FER1L5: variants seen among roughly 807,000 people sequenced by gnomAD.
FER1L5 encodes fer-1 like family member 5.
In FER1L5, 187 loss-of-function variants were observed where a neutral mutation model predicts 279.9. That is an observed-to-expected ratio of 0.67 (90% CI 0.59 to 0.75). FER1L5 has a LOEUF of 0.75. Among genes scored for constraint, FER1L5 ranks in the 30% least tolerant of loss-of-function variants. The probability of loss-of-function intolerance (pLI) is 0.00; values close to 1 mark genes in which losing one functional copy is unlikely to be tolerated. For missense variants in FER1L5, 2,091 were observed against 2,594.4 expected (o/e 0.81, Z 4.21); for synonymous variants, 921 against 989.7 (o/e 0.93, Z 1.30).
chr2:96,645,477 C>G (rs565059791), intron 1 of FER1L5, among the ~76,000 whole-genome samples: 2 of 152,272 alleles, frequency 1.3e-5, no homozygotes, highest in African/African-American at 4.8e-5. Context: ...AGCTGCAAGA[C>G]ACTGAAAACT....
At chr2:96,659,290 T>TGCCTTCCTGCCTTCC (rs2075732527) in intron 9 of FER1L5, among the ~76,000 whole-genome samples, 3 of 80,942 alleles carry the variant, frequency 3.7e-5, no homozygotes, top group Admixed American at 1.1e-4. Flanking sequence ...TTTATCAAGC[T>TGCCTTCCTGCCTTCC]TTCCTTCCTT....
Position 96,653,744 on chromosome 2 carries a change from C to T in FER1L5, c.696+42C>T, listed in dbSNP as rs1239694810. 18 of 1,461,568 alleles carry T rather than the reference C, an allele frequency of 1.2e-5. No individual in the cohort carries two copies. The East Asian group carries it at 1.2e-4, about 10-fold the overall frequency. 90.5% of individuals were successfully genotyped at this position (1,461,568 alleles called of 1,614,324 possible). A position where few individuals can be genotyped will look rare whatever the true frequency, so the allele number is the denominator to read the frequency against. On this transcript the variant is annotated intron_variant, in intron 8 of 52. Transcript: ENST00000624922. The stretch of plus-strand genomic sequence containing the variant: ...GTCCCCAGCAAGGTGGGTTTCTTGT[C>T]CCACTTCAATACTGGGAAGCACTAC...
rs1156802564 is a variant in FER1L5, at chr2:96,654,510, A to G, written c.747+14A>G. 4 of 398,874 alleles carry G rather than the reference A, an allele frequency of 1.0e-5. No individual in the cohort carries two copies. Among genetic ancestry groups the G allele is most frequent in the South Asian group, 2.5e-4 (2 of 7,854 alleles). 24.7% of individuals were successfully genotyped at this position (398,874 alleles called of 1,614,324 possible). A position where few individuals can be genotyped will look rare whatever the true frequency, so the allele number is the denominator to read the frequency against. On this transcript the variant is annotated intron_variant, in intron 9 of 52. Transcript: ENST00000624922. ...GGGAGATTTCAAGTGAGTACTGTACATGGGAGGAGGTTCAGTGAAACAGTT... is the reference window on the plus strand; with the variant it reads ...GGGAGATTTCAAGTGAGTACTGTACGTGGGAGGAGGTTCAGTGAAACAGTT...
Position 96,702,334 on chromosome 2 carries a change from A to G in FER1L5, c.5188A>G (p.Thr1730Ala), listed in dbSNP as rs2077614165. Residue 1730 changes from threonine to alanine, a missense_variant, in exon 47 of 53, where the codon ACT (threonine) becomes GCT (alanine). Physicochemically the swap from Thr to Ala is moderately conservative, Grantham distance 58. Transcript: ENST00000624922. The surrounding 1 kb of genome is among the most constrained non-coding windows in gnomAD (Gnocchi z 4.0). ...RYELRCIIWKTANVDLVDDNL... is the reference protein window; with the variant it reads ...RYELRCIIWKAANVDLVDDNL... ...TGAGCTGCGATGCATCATCTGGAAG[A>G]CTGCCAATGTGGACCTGGTGGATGA... 2 of 1,612,950 alleles carry G rather than the reference A, an allele frequency of 1.2e-6. No homozygotes were observed. The highest frequency in any genetic ancestry group is 1.7e-6 in the Non-Finnish European group (2 of 1,179,598).
In FER1L5 at chr2:96,647,079, C is replaced by T. The variant is rs577272228; in HGVS notation, c.154C>T (p.Leu52Phe). The change falls in exon 3 of 53, where the codon CTC (leucine) becomes TTC (phenylalanine). Residue 52 changes from leucine (L) to phenylalanine (F), a missense_variant. Physicochemically the swap from Leu to Phe is conservative, Grantham distance 22. Transcript: ENST00000624922. ...PVWNETLIWHLWNRPLENDSF... is the reference protein window; with the variant it reads ...PVWNETLIWHFWNRPLENDSF... ...CCCCCCACAGACCCTAATCTGGCAC[C>T]TCTGGAACCGCCCCCTGGAAAATGA... 5.2e-6 allele frequency: 8 copies of T among 1,551,644 alleles called. No individual in the cohort carries two copies. The South Asian group carries it at 9.5e-5, about 18-fold the overall frequency.
At chr2:96,687,984 A>G in intron 24 of FER1L5, 37 bp downstream of exon 24, 3 of 1,548,832 alleles carry the variant, frequency 1.9e-6, no homozygotes, top group South Asian at 1.2e-5. Context: ...CAGGGCAGGC[A>G]CGCGGGGGTG....
chr2:96,704,608 A>AAT lies in FER1L5; in HGVS notation c.6092_6093dup (p.Asp2032Ter). On this transcript the variant is annotated frameshift_variant, in exon 53 of 53. Transcript: ENST00000624922. LOFTEE classifies it low-confidence loss of function (END_TRUNC). ...CCCAGGATCCAAACCTAAAGCCTAC[A>AAT]ATAGACCATGAGTGGAAACTCCACC... 2 of 1,613,968 alleles carry AAT rather than the reference A, an allele frequency of 1.2e-6. No individual in the cohort carries two copies. The highest frequency in any genetic ancestry group is 2.2e-5 in the South Asian group (2 of 91,080).
At chr2:96,665,112 AAGTC>A (rs2076082970) in intron 14 of FER1L5, among the ~76,000 whole-genome samples, 1 of 152,146 alleles carries the variant, frequency 6.6e-6, no homozygotes, top group Admixed American at 6.5e-5. Flanking sequence ...TTTTGACTCT[AAGTC>A]AGGCTTCTAA....
rs756536534 is a variant in FER1L5, at chr2:96,695,543, C to T, written c.3776C>T (p.Ala1259Val). 7.5e-6 allele frequency: 12 copies of T among 1,593,106 alleles called. No individual in the cohort carries two copies. Among genetic ancestry groups the T allele is most frequent in the African/African-American group, 4.0e-5 (3 of 74,356 alleles). ...LAWGLRNMKKASSPQLLVEFG... is the reference protein window; with the variant it reads ...LAWGLRNMKKVSSPQLLVEFG... ...TGGGGCCTTCGGAACATGAAGAAGG[C>T]GAGCTCCCCCCAGCTCCTGGTGGAA... The change falls in exon 35 of 53, where the codon GCG becomes GTG. Residue 1259 changes from alanine (A) to valine (V), a missense_variant. Ala to Val is a moderately conservative substitution (Grantham distance 64). Transcript: ENST00000624922.
At position 96,698,043 on chromosome 2, in the gene FER1L5, G is replaced by A. The variant is rs1450693493; in HGVS notation, c.4243G>A (p.Glu1415Lys). 1 of 1,571,666 alleles carries A rather than the reference G, an allele frequency of 6.4e-7. No individual in the cohort carries two copies. The highest frequency in any genetic ancestry group is 8.6e-7 in the Non-Finnish European group (1 of 1,158,498). ...GTTCCACACACCTCTGCAGGTGTAT[G>A]AGTGTGAGCTGGAGGCCGTGCCAGC... is the stretch of plus-strand genomic sequence containing the variant. ...YKDYHTLKVY[E>K]CELEAVPAFQ... is the part of the protein sequence containing the mutation. Residue 1415 changes from glutamate (E) to lysine (K), a missense_variant, in exon 40 of 53, where the codon GAG becomes AAG. Physicochemically the swap from Glu to Lys is moderately conservative, Grantham distance 56 (BLOSUM62 1). Transcript: ENST00000624922. The surrounding 1 kb of genome is among the most constrained non-coding windows in gnomAD (Gnocchi z 5.5).
intron 18 of FER1L5, among the ~76,000 whole-genome samples, chr2:96,671,557 T>C (rs1199628821): frequency 6.6e-6 from 1 of 152,204 alleles, no homozygotes; most frequent in Admixed American, 6.5e-5. Context: ...ATCTCTGACA[T>C]GTGATGTAAG....
chr2:96,693,635 C>G lies in FER1L5; in HGVS notation c.3422C>G (p.Thr1141Ser), dbSNP rs1450103457. Residue 1141 changes from threonine (T) to serine (S), a missense_variant, in exon 32 of 53, where the codon ACC (threonine) becomes AGC (serine). Coordinates refer to ENST00000624922, the MANE Select transcript of FER1L5 (RefSeq NM_001293083.2). ...HLLLYENPQD[T>S]KESPPLVVLE... ...CTTCTGTACGAGAACCCACAGGACA[C>G]CAAAGAGAGCCCACCGCTTGTGGTG... is the stretch of plus-strand genomic sequence containing the variant. 8 of 1,551,720 alleles carry G rather than the reference C, an allele frequency of 5.2e-6. No individual in the cohort carries two copies. The South Asian group carries it at 9.5e-5, about 18-fold the overall frequency.
In FER1L5 at chr2:96,702,707, T is replaced by C. The variant is rs750730811; in HGVS notation, c.5363T>C (p.Leu1788Pro). Residue 1788 changes from leucine (L) to proline (P), a missense_variant, in exon 48 of 53, where the codon CTG becomes CCG. By Grantham distance (98) the Leu-to-Pro change is moderately conservative (BLOSUM62 -3). Transcript: ENST00000624922. This position sits in a 1 kb window ranked among gnomAD's most constrained non-coding sequence, Gnocchi z 4.0. Reference protein sequence around the residue: ...NWRFIFTMDYLAAERTCVQSQ... With the variant: ...NWRFIFTMDYPAAERTCVQSQ... The stretch of plus-strand genomic sequence containing the variant: ...CGGTTCATCTTTACCATGGACTACC[T>C]GGCGGCGGAGCGCACGTGTGTCCAG... 9 of 1,613,062 alleles carry C rather than the reference T, an allele frequency of 5.6e-6. No individual in the cohort carries two copies. The South Asian group carries it at 8.8e-5, about 16-fold the overall frequency.
At chr2:96,650,439 T>A (rs1236634303) in intron 6 of FER1L5, 150 bp downstream of exon 6, 1 of 665,786 alleles carries the variant, frequency 1.5e-6, no homozygotes, top group Non-Finnish European at 2.6e-6. Flanking sequence ...CCACATGCCC[T>A]GCTCCTCCCA....
Position 96,702,760 on chromosome 2 carries a change from G to A in FER1L5, c.5397+19G>A. ...CCAGAAGGTAACAGGCCTGGGGCGTGAGGGGCAACAGGCCACAACAAACAG... is the reference window on the plus strand; with the variant it reads ...CCAGAAGGTAACAGGCCTGGGGCGTAAGGGGCAACAGGCCACAACAAACAG... On this transcript the variant is annotated intron_variant, in intron 48 of 52. Coordinates refer to ENST00000624922, the MANE Select transcript of FER1L5 (RefSeq NM_001293083.2). This position sits in a 1 kb window ranked among gnomAD's most constrained non-coding sequence, Gnocchi z 4.0. 1 of 1,611,394 alleles carries A rather than the reference G, an allele frequency of 6.2e-7. No homozygotes were observed. The highest frequency in any genetic ancestry group is 8.5e-7 in the Non-Finnish European group (1 of 1,179,096).
rs768899471 is a variant in FER1L5 at position 96,700,467 on chromosome 2, A to G, written c.5066A>G (p.Asp1689Gly). Residue 1689 changes from aspartate (D) to glycine (G), a missense_variant, in exon 45 of 53, where the codon GAC becomes GGC. By Grantham distance (94) the Asp-to-Gly change is moderately conservative (BLOSUM62 -1). Coordinates refer to ENST00000624922, the MANE Select transcript of FER1L5 (RefSeq NM_001293083.2). The stretch of plus-strand genomic sequence containing the variant: ...TACAGCCACAGCCAGCCAGGCATCG[A>G]CCAGGTATGAGACTGGAGGGGCCAC... ...TLYSHSQPGI[D>G]QGKVQMWVDI... 1.2e-6 allele frequency: 2 copies of G among 1,613,232 alleles called. No individual in the cohort carries two copies. The highest frequency in any genetic ancestry group is 2.2e-5 in the South Asian group (2 of 91,074).
At chr2:96,645,728 A>G (rs1573754906) in intron 1 of FER1L5, among the ~76,000 whole-genome samples, 1 of 152,244 alleles carries the variant, frequency 6.6e-6, no homozygotes, top group Middle Eastern at 3.4e-3. Context: ...TTGAGCCCAC[A>G]TCATGCCACT....
chr2:96,662,272 G>A lies in FER1L5; in HGVS notation c.1071+5G>A. 6.4e-7 allele frequency: 1 copy of A among 1,551,498 alleles called. No individual in the cohort carries two copies. Among genetic ancestry groups the A allele is most frequent in the Admixed American group, 2.0e-5 (1 of 50,988 alleles). The stretch of plus-strand genomic sequence containing the variant: ...GTGGAACTAATTGGGGAAAAGGTAA[G>A]TGTAGAAATATTCTGAGACCCAGAG... On this transcript the variant is annotated splice_donor_5th_base_variant and intron_variant, in intron 13 of 52. Coordinates refer to ENST00000624922, the MANE Select transcript of FER1L5 (RefSeq NM_001293083.2).
intron 3 of FER1L5, among the ~76,000 whole-genome samples, 176 bp from the exon 4 acceptor site, chr2:96,647,602 C>T (rs1353116879): frequency 6.6e-6 from 1 of 152,212 alleles, no homozygotes. Context: ...GTTCTCAGAG[C>T]CAGAAGCCCT....
Sources: gnomAD v4.1 joint callset for allele counts (sites outside exome capture counted in the v4.1 genomes callset) on GRCh38, gnomAD v4.1.1 for gene constraint, Gnocchi (gnomAD v3.1) non-coding constraint, MANE v1.5 for transcripts, NCBI Gene and HGNC (gene_info 2026-07-23, HGNC 2026-07-21) for gene names.